Variants in ATG16L2 observed in about 807,000 individuals in gnomAD.
ATG16L2 encodes the protein protein Atg16l2.
In ATG16L2, 77 loss-of-function variants were observed where a neutral mutation model predicts 84.7. The observed-to-expected ratio is 0.91, with a 90% CI of 0.76 to 1.10. The LOEUF is 1.10. Ranked by LOEUF, ATG16L2 falls within the 50% of genes least tolerant of loss-of-function variation. The probability of loss-of-function intolerance (pLI) is 0.00; values close to 1 mark genes in which losing one functional copy is unlikely to be tolerated. For synonymous variants in ATG16L2, 361 were observed against 342.8 expected (o/e 1.05, Z -0.59); for missense variants, 782 against 817.6 (o/e 0.96, Z 0.53).
At chr11:72,821,254 T>C (rs1859974562) in intron 3 of ATG16L2, 2 of 1,014,282 alleles carry the variant, frequency 2.0e-6, no homozygotes, top group African/African-American at 3.5e-5. Context: ...GCGTGTAGCC[T>C]GCTGGGAACA....
At position 72,826,500 on chromosome 11, in the gene ATG16L2, C is replaced by A. The variant is rs371304735; in HGVS notation, c.1174-18C>A. On this transcript the variant is annotated intron_variant, in intron 11 of 17. Transcript: ENST00000321297. Reference sequence around the variant, plus strand: ...GCCTCCGGCTTAGCACCTCTCACTTCCTCTCCCATTTCTCCAGGGCTACCA... The same window carrying A: ...GCCTCCGGCTTAGCACCTCTCACTTACTCTCCCATTTCTCCAGGGCTACCA... 6.2e-7 allele frequency: 1 copy of A among 1,613,728 alleles called. No individual in the cohort carries two copies. Among genetic ancestry groups the A allele is most frequent in the African/African-American group, 1.3e-5 (1 of 74,908 alleles).
In ATG16L2 at chr11:72,826,216, C is replaced by T; in HGVS notation, c.1146C>T (p.Ser382=). The T allele has an allele frequency of 6.2e-7, 1 of 1,614,024 alleles. No individual in the cohort carries two copies. The highest frequency in any genetic ancestry group is 8.5e-7 in the Non-Finnish European group (1 of 1,179,956). The stretch of plus-strand genomic sequence containing the variant: ...AGACCCTGGAGGGAGCTGGTGGCAG[C>T]ATCACCAGTGTGGACTTTGACCCCT... The part of the protein sequence containing the change: ...ANQTLEGAGG[S]ITSVDFDPSG... The change falls in exon 11 of 18, where the codon AGC becomes AGT. Residue 382 remains serine (S), a synonymous_variant. Transcript: ENST00000321297.
At position 72,824,101 on chromosome 11, in the gene ATG16L2, A is replaced by G. The variant is rs1240012909; in HGVS notation, c.866A>G (p.Asp289Gly). Reference protein sequence around the residue: ...ATSLTLSHCVDVVKGLLDFKK... With the variant: ...ATSLTLSHCVGVVKGLLDFKK... ...TCCCTGACGCTGTCCCACTGTGTGG[A>G]TGTGGTGAAGGGGCTTCTGGAGTAA... Residue 289 changes from aspartate to glycine, a missense_variant, in exon 8 of 18, where the codon GAT becomes GGT. Physicochemically the swap from Asp to Gly is moderately conservative, Grantham distance 94. Coordinates refer to ENST00000321297, the MANE Select transcript of ATG16L2 (RefSeq NM_033388.2). 1 of 1,614,096 alleles carries G rather than the reference A, an allele frequency of 6.2e-7. No homozygotes were observed.
At chr11:72,821,820 A>G (rs1010881716) in intron 4 of ATG16L2, 79 bp downstream of exon 4, 73 of 1,490,154 alleles carry the variant, frequency 4.9e-5, no homozygotes, top group Non-Finnish European at 6.3e-5. Flanking sequence ...GGCGGGGGGA[A>G]TGGCGCGGGC....
intron 9 of ATG16L2, 48 bp from the exon 10 acceptor site, chr11:72,825,253 GA>G (rs779474862): frequency 6.7e-7 from 1 of 1,481,994 alleles, no homozygotes; most frequent in East Asian, 2.3e-5. Flanking sequence ...AGCACTCACA[GA>G]GACATGCGCG....
intron 5 of ATG16L2, among the ~76,000 whole-genome samples, chr11:72,835,626 T>C (rs1459759397): frequency 6.6e-6 from 1 of 152,054 alleles, no homozygotes; most frequent in Non-Finnish European, 1.5e-5. Flanking sequence ...TTGGTGGGAG[T>C]GTAAATGGAT....
intron 1 of ATG16L2, among the ~76,000 whole-genome samples, chr11:72,815,679 G>A (rs931935170): frequency 7.9e-5 from 12 of 152,196 alleles, no homozygotes; most frequent in African/African-American, 2.4e-4. Context: ...TTTGCTGGGT[G>A]CTGCAGTACC....
At chr11:72,817,002 C>T (rs1445464502) in intron 2 of ATG16L2, among the ~76,000 whole-genome samples, 175 bp downstream of exon 2, 1 of 152,140 alleles carries the variant, frequency 6.6e-6, no homozygotes, top group Non-Finnish European at 1.5e-5. Context: ...CCTTGGCCTT[C>T]CCACAGGACA....
intron 17 of ATG16L2, 24 bp downstream of exon 17, chr11:72,829,008 A>T (rs1341506117): frequency 6.2e-7 from 1 of 1,609,252 alleles, no homozygotes; most frequent in Non-Finnish European, 8.5e-7. Flanking sequence ...CCACCTGGCC[A>T]CCTGCCTGGC....
chr11:72,833,815 T>C (rs924413203), downstream of ATG16L2, among the ~76,000 whole-genome samples: 14 of 151,664 alleles, frequency 9.2e-5, no homozygotes, highest in African/African-American at 3.4e-4. Flanking sequence ...CCCAGCTACT[T>C]GAGAGGCTGA....
chr11:72,833,545 T>G (rs1460190395), downstream of ATG16L2, among the ~76,000 whole-genome samples: 1 of 152,108 alleles, frequency 6.6e-6, no homozygotes, highest in Non-Finnish European at 1.5e-5. Flanking sequence ...GAGCAAGTGG[T>G]GAAGAGTGAG....
At position 72,840,947 on chromosome 11, in the gene ATG16L2, T is replaced by A. The variant is rs776775518; in HGVS notation, c.*22-1670T>A. The A allele has an allele frequency of 1.7e-5, 28 of 1,612,742 alleles. No homozygotes were observed. In the Admixed American group the frequency reaches 2.7e-4, roughly 15 times the overall value. On this transcript the variant is annotated intron_variant, in intron 5 of 5. Transcript: ENST00000534905. The stretch of plus-strand genomic sequence containing the variant: ...CTGTGAGAATCCTGGTGACTCAGCA[T>A]GAAGGCTTTTTTCTAAGGGAGAAAA...
intron 5 of ATG16L2, among the ~76,000 whole-genome samples, chr11:72,839,730 C>G (rs1041137647): frequency 1.3e-5 from 2 of 152,038 alleles, no homozygotes; most frequent in Admixed American, 6.6e-5. Flanking sequence ...TTTTGGGGAT[C>G]TGGGATATAT....
At position 72,826,780 on chromosome 11, in the gene ATG16L2, C is replaced by T; in HGVS notation, c.1323C>T (p.Ser441=). 1.2e-6 allele frequency: 2 copies of T among 1,614,080 alleles called. No individual in the cohort carries two copies. Among genetic ancestry groups the T allele is most frequent in the Non-Finnish European group, 1.7e-6 (2 of 1,179,994 alleles). Residue 441 remains serine (S), a synonymous_variant, in exon 13 of 18, where the codon AGC becomes AGT. Transcript: ENST00000321297. ...CGAGGCACCAGGCAGTGACTGGGAG[C>T]CGCGACCGGACAGTGAAGGAGTGGG... ...KLTRHQAVTG[S]RDRTVKEWDL... is the part of the protein sequence containing the mutation.
intron 7 of ATG16L2, chr11:72,823,513 C>T (rs569044678): frequency 1.4e-4 from 52 of 374,620 alleles, no homozygotes; most frequent in Middle Eastern, 3.7e-4. Context: ...CCGCTCTGGG[C>T]GCCATTCCCC....
At position 72,822,214 on chromosome 11, in the gene ATG16L2, C is replaced by A; in HGVS notation, c.563C>A (p.Ala188Glu). 1.3e-6 allele frequency: 2 copies of A among 1,504,968 alleles called. No individual in the cohort carries two copies. Among genetic ancestry groups the A allele is most frequent in the Non-Finnish European group, 1.8e-6 (2 of 1,136,516 alleles). The allele number at this position is 1,504,968 out of a possible 1,614,324, so 93.2% of individuals were successfully genotyped here. Residue 188 changes from alanine (A) to glutamate (E), a missense_variant, in exon 5 of 18, where the codon GCG becomes GAG. Physicochemically the swap from Ala to Glu is moderately radical, Grantham distance 107. Coordinates refer to ENST00000321297, the MANE Select transcript of ATG16L2 (RefSeq NM_033388.2). This position sits in a 1 kb window ranked among gnomAD's most constrained non-coding sequence, Gnocchi z 4.2. ...GCACTGCGCAGGCTCCAGGAAGAGG[C>A]GCGCGACCTGCTGGAGAGGCTCGTG... ...EAALRRLQEEARDLLERLVQR... is the reference protein window; with the variant it reads ...EAALRRLQEEERDLLERLVQR...
In ATG16L2 at chr11:72,829,618, A is replaced by G; in HGVS notation, c.*228A>G. The G allele has an allele frequency of 7.4e-7, 1 of 1,344,852 alleles. No homozygotes were observed. The highest frequency in any genetic ancestry group is 9.6e-7 in the Non-Finnish European group (1 of 1,046,680). 83.3% of individuals were successfully genotyped at this position (1,344,852 alleles called of 1,614,324 possible). ...CTCCTCACTTTTTCTCCCAAAGTAG[A>G]AAAAAATGATATCTGAACTGCGTCT... On this transcript the variant is annotated 3_prime_UTR_variant, in exon 18 of 18. Coordinates refer to ENST00000321297, the MANE Select transcript of ATG16L2 (RefSeq NM_033388.2).
rs536325396 is a variant in ATG16L2, at chr11:72,828,359, G to A, written c.1473G>A (p.Arg491=). The A allele has an allele frequency of 3.3e-5, 53 of 1,613,990 alleles. No homozygotes were observed. The highest frequency in any genetic ancestry group is 2.6e-4 in the South Asian group (24 of 91,076). ...CCCTGTCTCTGTCCTTGTTCCTCAG[G>A]GGGCCCCACTGCACCCAGGTCATCC... ...NDQKIRFWDS[R]GPHCTQVIPV... Residue 491 remains arginine, a splice_region_variant and synonymous_variant, in exon 15 of 18, where the codon AGG becomes AGA. Coordinates refer to ENST00000321297, the MANE Select transcript of ATG16L2 (RefSeq NM_033388.2).
At position 72,826,221 on chromosome 11, in the gene ATG16L2, C is replaced by T. The variant is rs986648268; in HGVS notation, c.1151C>T (p.Thr384Ile). The change falls in exon 11 of 18, where the codon ACC becomes ATC. Residue 384 changes from threonine to isoleucine, a missense_variant. Thr to Ile is a moderately conservative substitution (Grantham distance 89). Coordinates refer to ENST00000321297, the MANE Select transcript of ATG16L2 (RefSeq NM_033388.2). ...QTLEGAGGSI[T>I]SVDFDPSGYQ... Reference sequence around the variant, plus strand: ...CTGGAGGGAGCTGGTGGCAGCATCACCAGTGTGGACTTTGACCCCTCGGTG... The same window carrying T: ...CTGGAGGGAGCTGGTGGCAGCATCATCAGTGTGGACTTTGACCCCTCGGTG... 6.2e-7 allele frequency: 1 copy of T among 1,614,004 alleles called. No individual in the cohort carries two copies. The highest frequency in any genetic ancestry group is 8.5e-7 in the Non-Finnish European group (1 of 1,179,950).
Sources: allele counts gnomAD v4.1 joint callset (sites outside exome capture counted in the v4.1 genomes callset), GRCh38; gene constraint gnomAD v4.1.1; non-coding constraint Gnocchi (gnomAD v3.1); transcripts MANE v1.5; gene names NCBI Gene and HGNC (gene_info 2026-07-23, HGNC 2026-07-21).